Variants in DTNBP1 observed in about 807,000 individuals in gnomAD.
DTNBP1 encodes dystrobrevin binding protein 1, also known as dysbindin.
Under a neutral mutation model 42.8 loss-of-function variants are expected in DTNBP1, and 35 were observed. The observed-to-expected ratio is 0.82, with a 90% CI of 0.63 to 1.09. DTNBP1 has a LOEUF of 1.09. DTNBP1 is among the 50% of genes least tolerant of loss of function. DTNBP1 has a pLI of 0.00. For missense variants in DTNBP1, 457 were observed against 424.2 expected, an observed-to-expected ratio of 1.08 and a Z score of -0.68; for synonymous variants, 171 against 162.2, an observed-to-expected ratio of 1.05 and a Z score of -0.41.
intron 6 of DTNBP1, among the ~76,000 whole-genome samples, chr6:15,612,479 A>G (rs1758463385): frequency 2.0e-5 from 3 of 152,254 alleles, no homozygotes; most frequent in Non-Finnish European, 4.4e-5. Context: ...ATCTTGATAG[A>G]AAAATCACAA....
chr6:15,637,795 A>G lies in DTNBP1; in HGVS notation c.171T>C (p.Asp57=), dbSNP rs1290958259. 2 of 1,613,396 alleles carry G rather than the reference A, an allele frequency of 1.2e-6. No homozygotes were observed. The highest frequency in any genetic ancestry group is 1.7e-6 in the Non-Finnish European group (2 of 1,180,000). The change falls in exon 4 of 10, where the codon GAT becomes GAC. Residue 57 remains aspartate (D), a synonymous_variant. Coordinates refer to ENST00000344537, the MANE Select transcript of DTNBP1 (RefSeq NM_032122.5). ...CTCTTCTGTGAAGTGCAGCCCATGT[A>G]TCCTCATACCTAAAAAAAAGCAAAA... ...AGLELLSRYE[D]TWAALHRRAK...
chr6:15,532,006 G>T (rs1168487970), intron 8 of DTNBP1, among the ~76,000 whole-genome samples: 1 of 152,240 alleles, frequency 6.6e-6, no homozygotes. Context: ...ACTCCTGGGA[G>T]ATGTGGTTGG....
chr6:15,592,592 GGAGA>G (rs1269385082), intron 7 of DTNBP1, among the ~76,000 whole-genome samples: 2 of 152,162 alleles, frequency 1.3e-5, no homozygotes, highest in Non-Finnish European at 2.9e-5. Context: ...TTTTACAGAT[GGAGA>G]GAGAAACTGT....
chr6:15,543,584 A>T (rs1021517876), intron 7 of DTNBP1, among the ~76,000 whole-genome samples: 1 of 152,236 alleles, frequency 6.6e-6, no homozygotes, highest in Non-Finnish European at 1.5e-5. Flanking sequence ...AAAATTGTTA[A>T]GTACAATAAG....
chr6:15,660,127 C>T lies in DTNBP1; in HGVS notation c.56+2687G>A, dbSNP rs1274561567. 2.0e-5 allele frequency among the ~76,000 whole-genome samples: 3 copies of T among 152,258 alleles called. No homozygotes were observed. The East Asian group carries it at 5.8e-4, about 29-fold the overall frequency. ...TTATGGACTGCATAATTGATAATAT[C>T]AAAAAATTAGTGTTAATTTTATTAT... On this transcript the variant is annotated intron_variant, in intron 1 of 9. Transcript: ENST00000344537.
intron 5 of DTNBP1, among the ~76,000 whole-genome samples, chr6:15,625,044 C>T (rs966302555): frequency 6.6e-6 from 1 of 152,156 alleles, no homozygotes; most frequent in African/African-American, 2.4e-5. Context: ...CTAAAAGCCT[C>T]ATGATTTTAA....
At chr6:15,663,044 C>T, upstream of DTNBP1, 1 of 820,530 alleles carries the variant, frequency 1.2e-6, no homozygotes, top group South Asian at 2.3e-5. Flanking sequence ...CTTCCGCGTT[C>T]CCGCCCCGCG....
At chr6:15,577,704 G>A (rs1008698388) in intron 7 of DTNBP1, among the ~76,000 whole-genome samples, 12 of 152,140 alleles carry the variant, frequency 7.9e-5, no homozygotes, top group African/African-American at 2.9e-4. Flanking sequence ...GCGGAGAGCT[G>A]GATAAACCAG....
intron 9 of DTNBP1, chr6:15,523,965 T>C (rs1198373822): frequency 7.8e-7 from 1 of 1,287,410 alleles, no homozygotes; most frequent in African/African-American, 1.5e-5. Context: ...GTCTGAAATT[T>C]GAAACGCACC....
At chr6:15,560,312 A>G (rs1774773195) in intron 7 of DTNBP1, among the ~76,000 whole-genome samples, 1 of 152,194 alleles carries the variant, frequency 6.6e-6, no homozygotes, top group South Asian at 2.1e-4. Context: ...TCAAAAAAAA[A>G]AAAAGTGTTT....
chr6:15,547,676 C>A (rs1044989960), intron 7 of DTNBP1, among the ~76,000 whole-genome samples: 2 of 152,106 alleles, frequency 1.3e-5, no homozygotes, highest in African/African-American at 4.8e-5. Context: ...ACGGATAAGC[C>A]CCTTAAGGCA....
chr6:15,574,105 AT>A (rs1207833167), intron 7 of DTNBP1, among the ~76,000 whole-genome samples: 1 of 152,220 alleles, frequency 6.6e-6, no homozygotes, highest in Non-Finnish European at 1.5e-5. Flanking sequence ...ATCGGAACAG[AT>A]ACACACACCA....
At chr6:15,553,483 T>TA (rs1774329028) in intron 7 of DTNBP1, among the ~76,000 whole-genome samples, 1 of 151,786 alleles carries the variant, frequency 6.6e-6, no homozygotes, top group Non-Finnish European at 1.5e-5. Flanking sequence ...CATTTTGACA[T>TA]AAACTGTTTT....
intron 7 of DTNBP1, among the ~76,000 whole-genome samples, chr6:15,582,387 T>C (rs1178911634): frequency 6.6e-6 from 1 of 152,202 alleles, no homozygotes; most frequent in Admixed American, 6.5e-5. Context: ...CAGGGTTGTT[T>C]TGATACTACT....
Position 15,660,394 on chromosome 6 carries a change from GAAC to G in DTNBP1, c.56+2417_56+2419del, listed in dbSNP as rs745858912. 3.9e-5 allele frequency: 50 copies of G among 1,289,822 alleles called. No homozygotes were observed. The South Asian group carries it at 5.4e-4, about 14-fold the overall frequency. 79.9% of individuals were successfully genotyped at this position (1,289,822 alleles called of 1,614,324 possible). ...AGGAAATTGAGGACCTGAAGAAAGT[GAAC>G]ATCAGGCACTAGAGGTCCGGGTCTA... On this transcript the variant is annotated intron_variant, in intron 1 of 9. Coordinates refer to ENST00000344537, the MANE Select transcript of DTNBP1 (RefSeq NM_032122.5).
At chr6:15,648,188 G>A (rs2743860) in intron 3 of DTNBP1, among the ~76,000 whole-genome samples, 19,607 of 151,958 alleles carry the variant, frequency 0.13, 1,602 homozygotes, top group African/African-American at 0.23. Flanking sequence ...ATGGAGAAAA[G>A]TTATTTGACA....
intron 1 of DTNBP1, chr6:15,660,290 A>G: frequency 8.2e-7 from 1 of 1,214,410 alleles, no homozygotes; most frequent in Non-Finnish European, 1.1e-6. Context: ...TTTTCTCCTC[A>G]AGGCAAAAAT....
At position 15,662,948 on chromosome 6, in the gene DTNBP1, C is replaced by G. The variant is rs780629943; in HGVS notation, c.-79G>C. On this transcript the variant is annotated 5_prime_UTR_variant, in exon 1 of 10. Coordinates refer to ENST00000344537, the MANE Select transcript of DTNBP1 (RefSeq NM_032122.5). The stretch of plus-strand genomic sequence containing the variant: ...CGCCCCCTGGGTCCCACGCCGCCAA[C>G]CCCGCGCTGTCACCGCGCGCCCCGC... 2 of 1,584,534 alleles carry G rather than the reference C, an allele frequency of 1.3e-6. No individual in the cohort carries two copies. The highest frequency in any genetic ancestry group is 1.7e-6 in the Non-Finnish European group (2 of 1,168,656).
intron 6 of DTNBP1, among the ~76,000 whole-genome samples, chr6:15,609,142 G>A (rs1232861879): frequency 6.7e-6 from 1 of 149,658 alleles, no homozygotes; most frequent in Admixed American, 6.7e-5. Flanking sequence ...TATGCTTCAG[G>A]TGAAATTTTC....
Sources: allele counts gnomAD v4.1 joint callset (sites outside exome capture counted in the v4.1 genomes callset), GRCh38; gene constraint gnomAD v4.1.1; transcripts MANE v1.5; gene names NCBI Gene and HGNC (gene_info 2026-07-23, HGNC 2026-07-21).